SMOC2: variants seen among roughly 807,000 people sequenced by gnomAD.
The protein encoded by SMOC2 is SPARC-related modular calcium-binding protein 2.
A neutral mutation model predicts 61.4 loss-of-function variants in SMOC2; 39 were observed. That is an observed-to-expected ratio of 0.64 (90% CI 0.49 to 0.83). The LOEUF (loss-of-function observed/expected upper bound fraction) is 0.83. Among genes scored for constraint, SMOC2 ranks in the 40% least tolerant of loss-of-function variants. The pLI, the probability that SMOC2 is intolerant of heterozygous loss-of-function variation, is 0.00. For synonymous variants in SMOC2, 247 were observed against 239.9 expected (o/e 1.03, Z -0.27); for missense variants, 556 against 592.9 (o/e 0.94, Z 0.65).
At chr6:168,503,054 C>T (rs753658460) in intron 1 of SMOC2, among the ~76,000 whole-genome samples, 2 of 144,128 alleles carry the variant, frequency 1.4e-5, no homozygotes, top group Non-Finnish European at 3.0e-5. Flanking sequence ...GTGTGAGCCG[C>T]CGTGCCTGGC....
intron 9 of SMOC2, among the ~76,000 whole-genome samples, chr6:168,632,171 A>G (rs748539529): frequency 6.6e-6 from 1 of 152,238 alleles, no homozygotes. Flanking sequence ...CTGGTTGATT[A>G]ATGGTTGGTT....
At chr6:168,483,650 T>C (rs1054308004) in intron 1 of SMOC2, among the ~76,000 whole-genome samples, 2 of 152,140 alleles carry the variant, frequency 1.3e-5, no homozygotes, top group East Asian at 3.8e-4. Flanking sequence ...GACAAAATAA[T>C]TTTTAAAAAG....
chr6:168,615,720 G>GGCCTCTTCACACCTACAGCCAGCACA, intron 9 of SMOC2, among the ~76,000 whole-genome samples: 1 of 69,402 alleles, frequency 1.4e-5, no homozygotes, highest in African/African-American at 5.4e-5. Flanking sequence ...GCCAGCACAG[G>GGCCTCTTCACACCTACAGCCAGCACA]GGGCCTCTTC....
At position 168,477,887 on chromosome 6, in the gene SMOC2, C is replaced by T. The variant is rs186992870; in HGVS notation, c.85-32028C>T. ...TTCTACAAAGCATTTTCTCATTCCG[C>T]GACCCACTCGATTCTTCTTACGACC... On this transcript the variant is annotated intron_variant, in intron 1 of 12. Transcript: ENST00000356284. 1.7e-3 allele frequency among the ~76,000 whole-genome samples: 253 copies of T among 152,252 alleles called. 1 individual carries two copies. The highest frequency in any genetic ancestry group is 2.0e-3 in the Non-Finnish European group (138 of 68,002).
intron 7 of SMOC2, among the ~76,000 whole-genome samples, chr6:168,590,703 A>C (rs967636683): frequency 4.6e-5 from 7 of 152,228 alleles, no homozygotes; most frequent in Non-Finnish European, 8.8e-5. Context: ...AAAATGCTTT[A>C]GGCGTCGTCA....
intron 1 of SMOC2, among the ~76,000 whole-genome samples, chr6:168,499,462 G>A (rs1055822716): frequency 6.6e-6 from 1 of 152,180 alleles, no homozygotes; most frequent in African/African-American, 2.4e-5. Context: ...GATCTTTTGT[G>A]CGTTGCAGCC....
chr6:168,551,188 TC>T, intron 7 of SMOC2, among the ~76,000 whole-genome samples: 1 of 152,180 alleles, frequency 6.6e-6, no homozygotes, highest in Non-Finnish European at 1.5e-5. Flanking sequence ...GTGCCTTGCT[TC>T]CCTTCACCTT....
intron 7 of SMOC2, among the ~76,000 whole-genome samples, chr6:168,556,132 G>A (rs1307198469): frequency 2.0e-5 from 3 of 152,174 alleles, no homozygotes; most frequent in African/African-American, 4.8e-5. Flanking sequence ...GCACGGGGAA[G>A]CTGAAGTGTT....
At chr6:168,534,677 A>G (rs768852077) in intron 4 of SMOC2, among the ~76,000 whole-genome samples, 2 of 152,272 alleles carry the variant, frequency 1.3e-5, no homozygotes, top group Admixed American at 1.3e-4. Flanking sequence ...AGGAAAAAGT[A>G]CTTTCTGGTG....
chr6:168,589,511 G>C (rs1445340290), intron 7 of SMOC2, among the ~76,000 whole-genome samples: 3 of 152,264 alleles, frequency 2.0e-5, no homozygotes, highest in Admixed American at 6.5e-5. Context: ...TGCACATATA[G>C]CTCAGGGAAA....
chr6:168,453,589 T>C lies in SMOC2; in HGVS notation c.84+12135T>C, dbSNP rs566270302. On this transcript the variant is annotated intron_variant, in intron 1 of 12. Coordinates refer to ENST00000356284, the MANE Select transcript of SMOC2 (RefSeq NM_001166412.2). This position sits in a 1 kb window ranked among gnomAD's most constrained non-coding sequence, Gnocchi z 4.4. ...CTCTCAGTCTCTGCCATTTGCTCTCTCTCTTTCTGTCTGTCTCTGTTTCTT... is the reference window on the plus strand; with the variant it reads ...CTCTCAGTCTCTGCCATTTGCTCTCCCTCTTTCTGTCTGTCTCTGTTTCTT... Among the ~76,000 whole-genome samples the C allele has an allele frequency of 1.3e-4, 19 of 151,902 alleles. No homozygotes were observed. The highest frequency in any genetic ancestry group is 4.4e-4 in the African/African-American group (18 of 41,354).
chr6:168,532,921 G>A (rs575567757), intron 4 of SMOC2, among the ~76,000 whole-genome samples: 15 of 152,310 alleles, frequency 9.8e-5, no homozygotes, highest in East Asian at 3.9e-4. Flanking sequence ...TGTGTCTGGC[G>A]TAGAAGGAGT....
chr6:168,597,535 A>T (rs1374570576), intron 7 of SMOC2, among the ~76,000 whole-genome samples: 1 of 152,234 alleles, frequency 6.6e-6, no homozygotes, highest in Non-Finnish European at 1.5e-5. Context: ...GACGCACCAC[A>T]CCAGCTATGG....
rs1447854061 is a variant in SMOC2 at position 168,562,430 on chromosome 6, G to C, written c.637+13227G>C. Among the ~76,000 whole-genome samples, 68 of 133,994 alleles carry C rather than the reference G, an allele frequency of 5.1e-4. 3 individuals carry two copies. The highest frequency in any genetic ancestry group is 5.1e-4 in the Non-Finnish European group (31 of 60,208). The allele number at this position is 133,994 out of a possible 152,430, so 87.9% of individuals were successfully genotyped here. ...GTGTCATTTTCATACCCTGAGACAC[G>C]AGGCTCTCACTGTGTTCTCGGAGGA... On this transcript the variant is annotated intron_variant, in intron 7 of 12. Transcript: ENST00000356284.
At chr6:168,487,944 A>G (rs1451409468) in intron 1 of SMOC2, among the ~76,000 whole-genome samples, 1 of 152,112 alleles carries the variant, frequency 6.6e-6, no homozygotes, top group African/African-American at 2.4e-5. Flanking sequence ...CTGATTGGGG[A>G]ATTTTATGTG....
chr6:168,446,877 A>T (rs1180551590), intron 1 of SMOC2, among the ~76,000 whole-genome samples: 1 of 152,246 alleles, frequency 6.6e-6, no homozygotes, highest in African/African-American at 2.4e-5. Context: ...CAACACAGAG[A>T]GTCTCAGAAT....
intron 1 of SMOC2, among the ~76,000 whole-genome samples, chr6:168,482,481 C>T (rs1289456719): frequency 6.6e-6 from 1 of 151,972 alleles, no homozygotes; most frequent in Non-Finnish European, 1.5e-5. Flanking sequence ...GTGAATTCTA[C>T]CAAACTTTAA....
chr6:168,485,534 A>G (rs970718923), intron 1 of SMOC2, among the ~76,000 whole-genome samples: 19 of 152,348 alleles, frequency 1.2e-4, no homozygotes, highest in African/African-American at 4.6e-4. Context: ...ACAAGGATGA[A>G]CCTCAGAAAC....
intron 2 of SMOC2, among the ~76,000 whole-genome samples, chr6:168,512,216 C>T (rs919644316): frequency 6.6e-6 from 1 of 152,002 alleles, no homozygotes; most frequent in African/African-American, 2.4e-5. Context: ...TTTGCACTCT[C>T]CTGTGGGAAA....
Sources: allele counts gnomAD v4.1 joint callset (sites outside exome capture counted in the v4.1 genomes callset), GRCh38; gene constraint gnomAD v4.1.1; non-coding constraint Gnocchi (gnomAD v3.1); transcripts MANE v1.5; gene names NCBI Gene and HGNC (gene_info 2026-07-23, HGNC 2026-07-21).